Variants in ODR4 observed in about 807,000 individuals in gnomAD.
ODR4 encodes the protein odr-4 GPCR localization factor homolog, also known as protein odr-4 homolog.
A neutral mutation model predicts 60.2 loss-of-function variants in ODR4; 47 were observed. That is an observed-to-expected ratio of 0.78 (90% CI 0.62 to 1.00). ODR4 has a LOEUF of 1.00. ODR4 is among the 50% of genes least tolerant of loss of function. ODR4 has a pLI of 0.00. For missense variants in ODR4, 488 were observed against 530.8 expected (o/e 0.92, Z 0.79); for synonymous variants, 178 against 175.5 (o/e 1.01, Z -0.11).
At chr1:186,407,456 A>G (rs777761976) in intron 12 of ODR4, among the ~76,000 whole-genome samples, 49 of 152,108 alleles carry the variant, frequency 3.2e-4, no homozygotes, top group Non-Finnish European at 5.7e-4. Context: ...CTCTATCGTT[A>G]AGGCCTAGCA....
chr1:186,430,172 G>A, the ODR4 span, among the ~76,000 whole-genome samples: 2 of 151,704 alleles, frequency 1.3e-5, no homozygotes, highest in African/African-American at 4.8e-5. Flanking sequence ...TAGATATTTG[G>A]GTAAATAACT....
chr1:186,397,515 AT>A (rs796778198), intron 9 of ODR4, among the ~76,000 whole-genome samples: 1 of 151,616 alleles, frequency 6.6e-6, no homozygotes, highest in Admixed American at 6.6e-5. Flanking sequence ...TGGGTTTGGG[AT>A]TTTTTTTAGA....
intron 12 of ODR4, among the ~76,000 whole-genome samples, chr1:186,411,493 T>C (rs1661381047): frequency 6.6e-6 from 1 of 152,078 alleles, no homozygotes; most frequent in Non-Finnish European, 1.5e-5. Flanking sequence ...TCCATTATTG[T>C]CAGATATAAA....
chr1:186,416,482 G>T (rs1252070787), intron 12 of ODR4, among the ~76,000 whole-genome samples: 1 of 152,080 alleles, frequency 6.6e-6, no homozygotes, highest in Non-Finnish European at 1.5e-5. Context: ...GACCAGCCTG[G>T]CCAACATGGC....
rs976100489 is a variant in ODR4, at chr1:186,421,150, CAG to C, written c.*2076_*2077del. On this transcript the variant is annotated 3_prime_UTR_variant, in exon 14 of 14. Transcript: ENST00000287859. Reference sequence around the variant, plus strand: ...AACAAACAGATGCTCAGATGAAAAACAGATGTTATCCTCAGCACAAATTCAGT... The same window carrying C: ...AACAAACAGATGCTCAGATGAAAAACATGTTATCCTCAGCACAAATTCAGT... 42 of 152,244 alleles carry C rather than the reference CAG, an allele frequency of 2.8e-4. 1 individual carries two copies. Among genetic ancestry groups the C allele is most frequent in the African/African-American group, 9.1e-4 (38 of 41,548 alleles). The allele number at this position is 152,244 out of a possible 1,614,324, so 9.4% of individuals were successfully genotyped here.
At position 186,419,048 on chromosome 1, in the gene ODR4, G is replaced by T. The variant is rs182322254; in HGVS notation, c.1337G>T (p.Gly446Val). 1 of 1,610,920 alleles carries T rather than the reference G, an allele frequency of 6.2e-7. No individual in the cohort carries two copies. The highest frequency in any genetic ancestry group is 8.5e-7 in the Non-Finnish European group (1 of 1,178,492). Residue 446 changes from glycine (G) to valine (V), a missense_variant, in exon 14 of 14, where the codon GGT becomes GTT. Transcript: ENST00000287859. ...TTTACAGTTGCAGTCCTTGCTGCGG[G>T]TATCTCCTTTCATTACTTCAGTGAT... ...AAFTVAVLAA[G>V]ISFHYFSD is the part of the protein sequence containing the mutation.
At chr1:186,394,129 G>A (rs1660579296) in intron 9 of ODR4, 114 bp downstream of exon 9, 1 of 626,680 alleles carries the variant, frequency 1.6e-6, no homozygotes, top group Non-Finnish European at 2.7e-6. Flanking sequence ...GTAAGAGACT[G>A]TATGAAATGG....
At chr1:186,400,900 C>G in intron 11 of ODR4, 1 of 671,456 alleles carries the variant, frequency 1.5e-6, no homozygotes, top group Non-Finnish European at 2.6e-6. Flanking sequence ...CATAGTCCAT[C>G]AGTCTAGCAG....
At chr1:186,402,218 C>CTTTCTTTCTTTCTT (rs1660999492) in intron 11 of ODR4, among the ~76,000 whole-genome samples, 1 of 149,084 alleles carries the variant, frequency 6.7e-6, no homozygotes, top group Non-Finnish European at 1.5e-5. Context: ...TTCTTTCTTT[C>CTTTCTTTCTTTCTT]TTTCTTTCTT....
At chr1:186,413,062 T>C (rs1324770923) in intron 12 of ODR4, among the ~76,000 whole-genome samples, 1 of 152,080 alleles carries the variant, frequency 6.6e-6, no homozygotes, top group Non-Finnish European at 1.5e-5. Context: ...TTTAGGAACA[T>C]TAAATTTGCT....
the ODR4 span, among the ~76,000 whole-genome samples, chr1:186,434,239 A>G: frequency 5.3e-5 from 8 of 152,088 alleles, no homozygotes; most frequent in African/African-American, 1.9e-4. Context: ...TTGCTTAAAG[A>G]ATTGTATTTG....
intron 11 of ODR4, among the ~76,000 whole-genome samples, chr1:186,405,394 A>G (rs1030173847): frequency 3.3e-5 from 5 of 152,206 alleles, no homozygotes; most frequent in Non-Finnish European, 7.3e-5. Flanking sequence ...AAAACCAACT[A>G]TAAAATGTAC....
At chr1:186,386,705 G>A (rs1182442357) in intron 4 of ODR4, among the ~76,000 whole-genome samples, 2 of 152,110 alleles carry the variant, frequency 1.3e-5, no homozygotes, top group Admixed American at 1.3e-4. Flanking sequence ...TTATGCAATA[G>A]CAGTATTCTG....
intron 8 of ODR4, among the ~76,000 whole-genome samples, chr1:186,392,960 G>T (rs904155875): frequency 6.6e-5 from 10 of 152,184 alleles, no homozygotes; most frequent in Non-Finnish European, 2.9e-5. Flanking sequence ...AGCCGAGATC[G>T]TGCCACTGCA....
At chr1:186,397,627 G>A (rs1202932566) in intron 9 of ODR4, among the ~76,000 whole-genome samples, 1 of 152,236 alleles carries the variant, frequency 6.6e-6, no homozygotes, top group East Asian at 1.9e-4. Context: ...CATCACATTG[G>A]TGCTCAATAA....
intron 3 of ODR4, among the ~76,000 whole-genome samples, chr1:186,385,002 T>C (rs1660199682): frequency 6.6e-6 from 1 of 151,990 alleles, no homozygotes; most frequent in Admixed American, 6.6e-5. Context: ...TATTAAGAAC[T>C]AGCCACAATC....
rs574810849 is a variant in ODR4 at position 186,392,828 on chromosome 1, C to G, written c.711+1037C>G. Among the ~76,000 whole-genome samples, 29 of 152,236 alleles carry G rather than the reference C, an allele frequency of 1.9e-4. No individual in the cohort carries two copies. The East Asian group carries it at 5.4e-3, about 28-fold the overall frequency. Reference sequence around the variant, plus strand: ...GACCAGCCTGGTCAGCATGGTGAAACCCTGTCTCTACTAAAAATAACAAAA... The same window carrying G: ...GACCAGCCTGGTCAGCATGGTGAAAGCCTGTCTCTACTAAAAATAACAAAA... On this transcript the variant is annotated intron_variant, in intron 8 of 13. Coordinates refer to ENST00000287859, the MANE Select transcript of ODR4 (RefSeq NM_017847.6).
Position 186,390,955 on chromosome 1 carries a change from C to A in ODR4, c.615+104C>A, listed in dbSNP as rs1192147946. 1.2e-5 allele frequency: 15 copies of A among 1,208,438 alleles called. No individual in the cohort carries two copies. In the African/African-American group the frequency reaches 2.1e-4, roughly 17 times the overall value. 74.9% of individuals were successfully genotyped at this position (1,208,438 alleles called of 1,614,324 possible). A position where few individuals can be genotyped will look rare whatever the true frequency, so the allele number is the denominator to read the frequency against. ...TTTTACAATCCTCAAAAATTACATT[C>A]TGCTTACAATGTTGTTATGTGAGTA... On this transcript the variant is annotated intron_variant, in intron 7 of 13. Coordinates refer to ENST00000287859, the MANE Select transcript of ODR4 (RefSeq NM_017847.6).
downstream of ODR4, among the ~76,000 whole-genome samples, chr1:186,421,998 A>G (rs113013627): frequency 0.019 from 2,833 of 152,088 alleles, 93 homozygotes; most frequent in African/African-American, 0.064. Context: ...TTAGAAAGTA[A>G]GATAATAACA....
Sources: allele counts gnomAD v4.1 joint callset (sites outside exome capture counted in the v4.1 genomes callset), GRCh38; gene constraint gnomAD v4.1.1; transcripts MANE v1.5; gene names NCBI Gene and HGNC (gene_info 2026-07-23, HGNC 2026-07-21).